The following AFDN variants were observed in gnomAD, a reference collection of about 807,000 sequenced individuals.
AFDN encodes the protein afadin, adherens junction formation factor.
In AFDN, 68 loss-of-function variants were observed where a neutral mutation model predicts 216.6. That is an observed-to-expected ratio of 0.31 (90% CI 0.26 to 0.38). The LOEUF is 0.38. Ranked by LOEUF, AFDN falls within the 10% of genes least tolerant of loss-of-function variation. AFDN has a pLI of 1.00. For synonymous variants in AFDN, 868 were observed against 853.7 expected, an observed-to-expected ratio of 1.02 and a Z score of -0.29; for missense variants, 2,136 against 2,342.0, an observed-to-expected ratio of 0.91 and a Z score of 1.82.
chr6:167,948,106 G>T (rs1795540177), intron 28 of AFDN, 162 bp downstream of exon 28: 5 of 745,182 alleles, frequency 6.7e-6, no homozygotes, highest in Non-Finnish European at 1.1e-5. Flanking sequence ...TACTAGTCAG[G>T]TAAATCAGTT....
chr6:167,876,947 C>T (rs1433532138), intron 5 of AFDN, among the ~76,000 whole-genome samples: 1 of 151,934 alleles, frequency 6.6e-6, no homozygotes, highest in African/African-American at 2.4e-5. Flanking sequence ...TTCATTGTAG[C>T]CTAAGCTTTA....
rs1797922056 is a variant in AFDN, at chr6:167,970,054, C to A, written c.*119C>A. The A allele has an allele frequency of 1.2e-6, 1 of 808,276 alleles. No homozygotes were observed. The highest frequency in any genetic ancestry group is 1.8e-6 in the Non-Finnish European group (1 of 547,240). 50.1% of individuals were successfully genotyped at this position (808,276 alleles called of 1,614,324 possible). Reference sequence around the variant, plus strand: ...TATATTTCTAAGTGATTTACAATTTCTGTTTCTAAAATTGTTGGGATTTAG... The same window carrying A: ...TATATTTCTAAGTGATTTACAATTTATGTTTCTAAAATTGTTGGGATTTAG... On this transcript the variant is annotated 3_prime_UTR_variant, in exon 34 of 34. Coordinates refer to ENST00000683244, the MANE Select transcript of AFDN (RefSeq NM_001386888.1).
At chr6:167,960,751 G>T (rs1393087503) in intron 30 of AFDN, among the ~76,000 whole-genome samples, 1 of 152,184 alleles carries the variant, frequency 6.6e-6, no homozygotes, top group East Asian at 1.9e-4. Flanking sequence ...CCTGTGGGGA[G>T]CTGTGGCTGG....
At position 167,966,071 on chromosome 6, in the gene AFDN, A is replaced by AT. The variant is rs1338951867; in HGVS notation, c.5257+26_5257+27insT. On this transcript the variant is annotated intron_variant, in intron 32 of 33. Coordinates refer to ENST00000683244, the MANE Select transcript of AFDN (RefSeq NM_001386888.1). ...GTCAGGATAAGTACTCCAGCACAAG[A>AT]AAGTCTCATGGGGACCTTCTTCCTG... 9 of 1,539,550 alleles carry AT rather than the reference A, an allele frequency of 5.8e-6. No individual in the cohort carries two copies. In the African/African-American group the frequency reaches 1.2e-4, roughly 21 times the overall value.
At chr6:167,877,740 A>G (rs1048878222) in intron 5 of AFDN, among the ~76,000 whole-genome samples, 6 of 152,200 alleles carry the variant, frequency 3.9e-5, no homozygotes, top group African/African-American at 1.2e-4. Context: ...TTAATTCTTT[A>G]GTGTGGGCTG....
chr6:167,862,623 C>T (rs1175315487), intron 1 of AFDN, among the ~76,000 whole-genome samples: 2 of 152,230 alleles, frequency 1.3e-5, no homozygotes, highest in African/African-American at 2.4e-5. Context: ...GATCCGCCCA[C>T]CTCGGCCTCC....
chr6:167,887,872 G>A (rs1447559254), intron 6 of AFDN, among the ~76,000 whole-genome samples: 1 of 152,170 alleles, frequency 6.6e-6, no homozygotes, highest in Non-Finnish European at 1.5e-5. Flanking sequence ...ATAAGAAGAA[G>A]CTGCCCTTAG....
At position 167,957,572 on chromosome 6, in the gene AFDN, A is replaced by C. The variant is rs538535848; in HGVS notation, c.4834-4861A>C. On this transcript the variant is annotated intron_variant, in intron 30 of 33. Transcript: ENST00000683244. Reference sequence around the variant, plus strand: ...ACTTGCTGGAGGGATCTCCTTCAGCACTAGATTATGATGAAGCCCATTGTG... The same window carrying C: ...ACTTGCTGGAGGGATCTCCTTCAGCCCTAGATTATGATGAAGCCCATTGTG... Among the ~76,000 whole-genome samples, 3 of 152,326 alleles carry C rather than the reference A, an allele frequency of 2.0e-5. No homozygotes were observed. The East Asian group carries it at 5.8e-4, about 29-fold the overall frequency.
chr6:167,942,680 TTTTCTC>T (rs1794836555), intron 23 of AFDN, among the ~76,000 whole-genome samples: 3 of 152,216 alleles, frequency 2.0e-5, no homozygotes, highest in Admixed American at 2.0e-4. Flanking sequence ...TTCTGTATGA[TTTTCTC>T]TTACTAAGTT....
intron 5 of AFDN, among the ~76,000 whole-genome samples, chr6:167,875,886 A>G (rs1785309112): frequency 6.6e-6 from 1 of 152,202 alleles, no homozygotes; most frequent in African/African-American, 2.4e-5. Flanking sequence ...TTTCAACTAT[A>G]AATATTTTGG....
chr6:167,896,160 C>G (rs1788217429), intron 9 of AFDN, among the ~76,000 whole-genome samples: 1 of 151,866 alleles, frequency 6.6e-6, no homozygotes, highest in African/African-American at 2.4e-5. Flanking sequence ...TCACCCCTTC[C>G]CTGTCATGGA....
chr6:167,915,455 C>T (rs1299242259), intron 19 of AFDN, 22 bp downstream of exon 19: 3 of 1,590,516 alleles, frequency 1.9e-6, no homozygotes, highest in Non-Finnish European at 2.6e-6. Flanking sequence ...TGCCACTCCC[C>T]AGCTCATGTG....
chr6:167,851,460 T>G (rs2128177939), intron 1 of AFDN, among the ~76,000 whole-genome samples: 1 of 152,326 alleles, frequency 6.6e-6, no homozygotes, highest in South Asian at 2.1e-4. Flanking sequence ...TCCCAATGTG[T>G]TGTTCGCCTC....
At chr6:167,854,966 G>C (rs1274900842) in intron 1 of AFDN, among the ~76,000 whole-genome samples, 3 of 151,696 alleles carry the variant, frequency 2.0e-5, no homozygotes, top group African/African-American at 7.3e-5. Context: ...TAAATTAAGT[G>C]TGTAACTTGA....
intron 26 of AFDN, 137 bp from the exon 27 acceptor site, chr6:167,946,570 T>C (rs1795287229): frequency 3.1e-6 from 2 of 637,602 alleles, no homozygotes; most frequent in East Asian, 3.3e-5. Context: ...ACTTAAAAGC[T>C]GTTTTATGAT....
intron 21 of AFDN, among the ~76,000 whole-genome samples, chr6:167,919,190 T>A (rs952012678): frequency 3.3e-5 from 5 of 152,270 alleles, no homozygotes; most frequent in African/African-American, 1.2e-4. Context: ...ATGGTTACAT[T>A]TTCTGCCTGG....
chr6:167,886,477 G>A lies in AFDN; in HGVS notation c.898-2738G>A, dbSNP rs144605709. Among the ~76,000 whole-genome samples the A allele has an allele frequency of 1.8e-3, 270 of 152,292 alleles. 2 individuals are homozygous for A. Among genetic ancestry groups the A allele is most frequent in the African/African-American group, 6.2e-3 (258 of 41,562 alleles). On this transcript the variant is annotated intron_variant, in intron 6 of 33. Transcript: ENST00000683244. ...TTCTCTCTGAAGGAAAAATACCTGA[G>A]CTGGAGGGTGTTGTGGTGTGTTGCC...
At chr6:167,896,778 T>G (rs2128376077) in intron 9 of AFDN, 100 bp from the exon 10 acceptor site, 149 of 622,754 alleles carry the variant, frequency 2.4e-4, no homozygotes, top group Non-Finnish European at 3.0e-4. Flanking sequence ...TCCTGAGAAA[T>G]GAGAACTGTA....
At chr6:167,964,425 T>C in intron 31 of AFDN, 3 of 1,065,234 alleles carry the variant, frequency 2.8e-6, no homozygotes, top group Non-Finnish European at 3.4e-6. Context: ...GTCATTCTGG[T>C]TTATTCCTCA....
Sources: allele counts gnomAD v4.1 joint callset (sites outside exome capture counted in the v4.1 genomes callset), GRCh38; gene constraint gnomAD v4.1.1; transcripts MANE v1.5; gene names NCBI Gene and HGNC (gene_info 2026-07-23, HGNC 2026-07-21).